ANKS1A: variants seen among roughly 807,000 people sequenced by gnomAD.
ANKS1A encodes ankyrin repeat and sterile alpha motif domain containing 1A.
Under a neutral mutation model 120.3 loss-of-function variants are expected in ANKS1A, and 55 were observed. The observed-to-expected ratio is 0.46, with a 90% confidence interval of 0.37 to 0.57. ANKS1A has a LOEUF of 0.57. ANKS1A is among the 20% of genes least tolerant of loss of function. ANKS1A has a pLI of 0.00. For synonymous variants in ANKS1A, 590 were observed against 604.7 expected (o/e 0.98, Z 0.36); for missense variants, 1,123 against 1,480.3 (o/e 0.76, Z 3.96).
At chr6:35,026,765 A>G (rs1774647013) in intron 11 of ANKS1A, among the ~76,000 whole-genome samples, 1 of 152,206 alleles carries the variant, frequency 6.6e-6, no homozygotes, top group Non-Finnish European at 1.5e-5. Flanking sequence ...TCTTACAAAT[A>G]TACCTTATAA....
chr6:34,911,907 C>T lies in ANKS1A; in HGVS notation c.197+22308C>T, dbSNP rs569349378. On this transcript the variant is annotated intron_variant, in intron 1 of 23. Transcript: ENST00000360359. Reference sequence around the variant, plus strand: ...AGGATAGGTTTCTTGCCCTTGAAATCTCATTGTAATAGTGCTGTGAGCCAC... The same window carrying T: ...AGGATAGGTTTCTTGCCCTTGAAATTTCATTGTAATAGTGCTGTGAGCCAC... Among the ~76,000 whole-genome samples, 6 of 148,408 alleles carry T rather than the reference C, an allele frequency of 4.0e-5. No homozygotes were observed. In the South Asian group the frequency reaches 1.2e-3, roughly 31 times the overall value.
the ANKS1A span, among the ~76,000 whole-genome samples, chr6:35,097,048 T>TA: frequency 6.0e-5 from 9 of 151,096 alleles, no homozygotes; most frequent in South Asian, 1.0e-3. Context: ...TTTTTTTTTT[T>TA]ATCTTAAAGG....
chr6:35,097,637 G>GAAAAAAAAAAAAA, the ANKS1A span, among the ~76,000 whole-genome samples: 8 of 89,768 alleles, frequency 8.9e-5, no homozygotes, highest in African/African-American at 4.7e-5. Context: ...AAAGCCAAAA[G>GAAAAAAAAAAAAA]AAAAAAAAAA....
chr6:34,960,267 C>CCTTCCTTTGCTGCCTCTG (rs1770568316), intron 1 of ANKS1A, among the ~76,000 whole-genome samples: 2 of 152,144 alleles, frequency 1.3e-5, no homozygotes, highest in African/African-American at 2.4e-5. Flanking sequence ...CTTTTTATCC[C>CCTTCCTTTGCTGCCTCTG]CTTCCTTTGC....
At position 34,982,061 on chromosome 6, in the gene ANKS1A, C is replaced by G; in HGVS notation, c.732+75C>G. ...TGCAGAAGGCACAAGGACCATGCTGCTGGGCTGTGCTCTTTATTTAGCACG... is the reference window on the plus strand; with the variant it reads ...TGCAGAAGGCACAAGGACCATGCTGGTGGGCTGTGCTCTTTATTTAGCACG... On this transcript the variant is annotated intron_variant, in intron 4 of 23. Transcript: ENST00000360359. This position sits in a 1 kb window ranked among gnomAD's most constrained non-coding sequence, Gnocchi z 4.9. The G allele has an allele frequency of 6.6e-7, 1 of 1,526,202 alleles. No homozygotes were observed. Among genetic ancestry groups the G allele is most frequent in the Non-Finnish European group, 8.9e-7 (1 of 1,129,834 alleles). The allele number at this position is 1,526,202 out of a possible 1,614,324, so 94.5% of individuals were successfully genotyped here.
At chr6:34,906,936 C>T (rs1338296400) in intron 1 of ANKS1A, among the ~76,000 whole-genome samples, 1 of 152,150 alleles carries the variant, frequency 6.6e-6, no homozygotes, top group Non-Finnish European at 1.5e-5. Context: ...CTGGTAGCCA[C>T]TGCCTTTACC....
chr6:35,011,483 CAAG>C (rs1372691342), intron 10 of ANKS1A, among the ~76,000 whole-genome samples: 2 of 152,050 alleles, frequency 1.3e-5, no homozygotes, highest in Non-Finnish European at 2.9e-5. Context: ...TTTAGGAGTT[CAAG>C]AAGAAGGGGG....
intron 1 of ANKS1A, among the ~76,000 whole-genome samples, chr6:34,947,084 A>C (rs1267061006): frequency 6.6e-6 from 1 of 152,130 alleles, no homozygotes; most frequent in Non-Finnish European, 1.5e-5. Context: ...GTTAATGTAA[A>C]ATATTAGGTG....
chr6:34,977,060 A>G (rs1050738151), intron 3 of ANKS1A, among the ~76,000 whole-genome samples: 1 of 152,176 alleles, frequency 6.6e-6, no homozygotes, highest in African/African-American at 2.4e-5. Context: ...CAATTTTTTT[A>G]TGATCGAGAA....
At chr6:35,004,347 G>A (rs1003198742) in intron 10 of ANKS1A, among the ~76,000 whole-genome samples, 2 of 152,102 alleles carry the variant, frequency 1.3e-5, no homozygotes, top group Non-Finnish European at 2.9e-5. Context: ...TTTAGGCTGG[G>A]TGCAGTGGCT....
intron 13 of ANKS1A, among the ~76,000 whole-genome samples, chr6:35,072,271 C>T (rs1265975826): frequency 2.0e-5 from 3 of 152,234 alleles, no homozygotes; most frequent in African/African-American, 4.8e-5. Context: ...GGGGCCGACC[C>T]GGGCCGACCC....
At chr6:35,049,554 G>A (rs913147106) in intron 11 of ANKS1A, among the ~76,000 whole-genome samples, 3 of 152,208 alleles carry the variant, frequency 2.0e-5, no homozygotes, top group Non-Finnish European at 4.4e-5. Context: ...CTCCCGCCCC[G>A]TGGCTCAGGC....
intron 1 of ANKS1A, among the ~76,000 whole-genome samples, chr6:34,911,989 G>T (rs1041663741): frequency 1.3e-5 from 2 of 151,936 alleles, no homozygotes; most frequent in East Asian, 1.9e-4. Context: ...TAATACTTTC[G>T]CAATAACACA....
At chr6:35,081,698 G>A (rs1459018087) in intron 17 of ANKS1A, among the ~76,000 whole-genome samples, 2 of 152,212 alleles carry the variant, frequency 1.3e-5, no homozygotes, top group South Asian at 2.1e-4. Context: ...CGCTGGAGAC[G>A]CCTCCTCCGC....
At chr6:34,956,473 T>C (rs547582120) in intron 1 of ANKS1A, among the ~76,000 whole-genome samples, 2 of 152,302 alleles carry the variant, frequency 1.3e-5, no homozygotes, top group East Asian at 3.9e-4. Context: ...TTGGATGTTC[T>C]GTATAGAGGT....
Position 35,090,911 on chromosome 6 carries a change from GCTCTGCGTGTGCAGCT to G in ANKS1A, c.*2311_*2326del. On this transcript the variant is annotated 3_prime_UTR_variant, in exon 24 of 24. Transcript: ENST00000360359. The stretch of plus-strand genomic sequence containing the variant: ...TCAGCGCATAAGACCTTCCCGACAG[GCTCTGCGTGTGCAGCT>G]CTCTGCGTCCCTCCTGGGCCCTCCA... 1 of 985,664 alleles carries G rather than the reference GCTCTGCGTGTGCAGCT, an allele frequency of 1.0e-6. No homozygotes were observed. The highest frequency in any genetic ancestry group is 1.2e-6 in the Non-Finnish European group (1 of 830,062). The allele number at this position is 985,664 out of a possible 1,614,324, so 61.1% of individuals were successfully genotyped here.
intron 1 of ANKS1A, among the ~76,000 whole-genome samples, chr6:34,921,399 C>T (rs751987839): frequency 6.6e-6 from 1 of 152,126 alleles, no homozygotes; most frequent in Non-Finnish European, 1.5e-5. Flanking sequence ...CTGTAGAAAG[C>T]CTTTAGATTA....
At chr6:35,071,598 G>T (rs186654230) in intron 13 of ANKS1A, among the ~76,000 whole-genome samples, 1 of 152,086 alleles carries the variant, frequency 6.6e-6, no homozygotes, top group Non-Finnish European at 1.5e-5. Context: ...GGCCTAGAGG[G>T]GGGGTCCATT....
intron 13 of ANKS1A, among the ~76,000 whole-genome samples, chr6:35,077,637 A>G (rs1777439532): frequency 6.6e-6 from 1 of 152,172 alleles, no homozygotes; most frequent in African/African-American, 2.4e-5. Flanking sequence ...TGCTCACACT[A>G]TCTTGTGACT....
Sources: gnomAD v4.1 joint callset for allele counts (sites outside exome capture counted in the v4.1 genomes callset) on GRCh38, gnomAD v4.1.1 for gene constraint, Gnocchi (gnomAD v3.1) non-coding constraint, MANE v1.5 for transcripts, NCBI Gene and HGNC (gene_info 2026-07-23, HGNC 2026-07-21) for gene names.